CCDC57: variants seen among roughly 807,000 people sequenced by gnomAD.
CCDC57 encodes coiled-coil domain containing 57, also known as coiled-coil domain-containing protein 57.
In CCDC57, 118 loss-of-function variants were observed where a neutral mutation model predicts 118.9. That is an observed-to-expected ratio of 0.99 (90% CI 0.86 to 1.16). The LOEUF (loss-of-function observed/expected upper bound fraction) is 1.16. Ranked by LOEUF, CCDC57 falls within the 50% of genes most tolerant of loss-of-function variation. The pLI is 0.00. For missense variants in CCDC57, 1,300 were observed against 1,320.7 expected (o/e 0.98, Z 0.24); for synonymous variants, 527 against 532.9 (o/e 0.99, Z 0.15).
intron 10 of CCDC57, 135 bp from the exon 10 acceptor site, chr17:82,178,740 C>G: frequency 7.5e-7 from 1 of 1,334,790 alleles, no homozygotes; most frequent in Non-Finnish European, 1.0e-6. Flanking sequence ...CCGCCAAACC[C>G]TTCCTGCCCA....
Position 82,172,648 on chromosome 17 carries a change from G to A in CCDC57, c.1719C>T (p.Ala573=), listed in dbSNP as rs370782594. 6.0e-5 allele frequency: 93 copies of A among 1,550,426 alleles called. No homozygotes were observed. Among genetic ancestry groups the A allele is most frequent in the Non-Finnish European group, 7.3e-5 (84 of 1,147,224 alleles). ...CTCCCACTTACTCACCAGGAGTGGC[G>A]GCATCTCCCCCAGCCTCTGGGTCAG... Residue 573 remains alanine (A), a synonymous_variant, in exon 12 of 20, where the codon GCC becomes GCT. Transcript: ENST00000665763. This position sits in a 1 kb window ranked among gnomAD's most constrained non-coding sequence, Gnocchi z 5.2.
chr17:82,184,022 C>CGTGT, intron 8 of CCDC57, 90 bp from the exon 8 acceptor site: 1 of 408,320 alleles, frequency 2.4e-6, no homozygotes, highest in African/African-American at 2.8e-5. Context: ...CACATGCGCG[C>CGTGT]GCGCGCGCGC....
chr17:82,195,152 G>T, intron 5 of CCDC57, 111 bp downstream of exon 4: 2 of 796,662 alleles, frequency 2.5e-6, no homozygotes, highest in South Asian at 1.5e-5. Flanking sequence ...CTGGGCCCAA[G>T]GGATCCTCTT....
chr17:82,185,938 G>C (rs1306450843), intron 8 of CCDC57, among the ~76,000 whole-genome samples: 1 of 152,098 alleles, frequency 6.6e-6, no homozygotes, highest in Non-Finnish European at 1.5e-5. Context: ...TATTTTTTTA[G>C]AGACAGAGTC....
intron 19 of CCDC57, among the ~76,000 whole-genome samples, 165 bp from the exon 19 acceptor site, chr17:82,102,031 T>C (rs1053176490): frequency 1.3e-5 from 2 of 152,180 alleles, no homozygotes; most frequent in African/African-American, 4.8e-5. Flanking sequence ...GGCCAAAGGA[T>C]CCTGGAGTGA....
intron 19 of CCDC57, among the ~76,000 whole-genome samples, chr17:82,114,690 G>A (rs578227720): frequency 1.3e-5 from 2 of 152,110 alleles, no homozygotes; most frequent in African/African-American, 4.8e-5. Flanking sequence ...GTGGAGACAC[G>A]CTCACCCACA....
At chr17:82,179,591 A>G (rs6502086) in intron 9 of CCDC57, among the ~76,000 whole-genome samples, 109,341 of 151,782 alleles carry the variant, frequency 0.72, 39,910 homozygotes, top group East Asian at 0.95. Flanking sequence ...GAGAGCCCCC[A>G]GAGCAAGTGC....
intron 19 of CCDC57, among the ~76,000 whole-genome samples, chr17:82,105,506 C>CAGAA (rs2034784634): frequency 6.6e-6 from 1 of 152,142 alleles, no homozygotes; most frequent in Admixed American, 6.5e-5. Flanking sequence ...CTGCGTGCAC[C>CAGAA]TTTCCAGGGT....
At chr17:82,132,648 G>A (rs2038564660) in intron 17 of CCDC57, among the ~76,000 whole-genome samples, 1 of 151,970 alleles carries the variant, frequency 6.6e-6, no homozygotes, top group Non-Finnish European at 1.5e-5. Flanking sequence ...TTGAACTCCT[G>A]GGCTCAAGCA....
chr17:82,176,622 C>T (rs2045537480), intron 11 of CCDC57, among the ~76,000 whole-genome samples: 1 of 152,096 alleles, frequency 6.6e-6, no homozygotes, highest in African/African-American at 2.4e-5. Context: ...CAGCGTGGGC[C>T]CCCTGGACCC....
chr17:82,179,328 G>T, intron 9 of CCDC57, 139 bp from the exon 9 acceptor site: 1 of 913,236 alleles, frequency 1.1e-6, no homozygotes, highest in Non-Finnish European at 1.6e-6. Flanking sequence ...ACATGCTCCC[G>T]AGCTCCTGTG....
At chr17:82,202,638 T>C (rs1413281694) in intron 2 of CCDC57, among the ~76,000 whole-genome samples, 1 of 152,018 alleles carries the variant, frequency 6.6e-6, no homozygotes, top group East Asian at 1.9e-4. Flanking sequence ...TGATCTCAGC[T>C]ACTCGGGAGG....
intron 13 of CCDC57, among the ~76,000 whole-genome samples, chr17:82,167,711 C>G (rs2044172874): frequency 6.6e-6 from 1 of 151,716 alleles, no homozygotes; most frequent in Admixed American, 6.6e-5. Flanking sequence ...GAACTCCTGA[C>G]CTCAAGTGAT....
chr17:82,125,356 A>G (rs1210409636), intron 19 of CCDC57, among the ~76,000 whole-genome samples: 1 of 151,732 alleles, frequency 6.6e-6, no homozygotes, highest in African/African-American at 2.4e-5. Flanking sequence ...TGGGCAACAT[A>G]GGGAGACACC....
chr17:82,126,670 G>A (rs1325493550), intron 19 of CCDC57: 3 of 985,344 alleles, frequency 3.0e-6, no homozygotes, highest in Non-Finnish European at 2.4e-6. Flanking sequence ...GGGTGGCGGA[G>A]GCTGAGGCGA....
chr17:82,157,450 C>T (rs1370822543), intron 15 of CCDC57: 26 of 1,375,082 alleles, frequency 1.9e-5, no homozygotes, highest in Middle Eastern at 2.7e-4. Flanking sequence ...TCAGTGTGTG[C>T]GTTTCCAACA....
At chr17:82,167,439 C>T (rs956808491) in intron 13 of CCDC57, among the ~76,000 whole-genome samples, 1 of 152,088 alleles carries the variant, frequency 6.6e-6, no homozygotes. Context: ...CAACCTCCAC[C>T]TCCCGGGTTC....
At chr17:82,196,768 G>A (rs1252963904) in intron 4 of CCDC57, among the ~76,000 whole-genome samples, 5 of 151,784 alleles carry the variant, frequency 3.3e-5, no homozygotes, top group African/African-American at 9.7e-5. Context: ...CATCACACCT[G>A]CACCTTCACA....
intron 19 of CCDC57, among the ~76,000 whole-genome samples, chr17:82,110,033 T>G (rs1266826953): frequency 6.8e-6 from 1 of 146,062 alleles, no homozygotes; most frequent in Non-Finnish European, 1.5e-5. Context: ...CAGGCTGGAG[T>G]GCAATGGTGT....
Sources: allele counts gnomAD v4.1 joint callset (sites outside exome capture counted in the v4.1 genomes callset), GRCh38; gene constraint gnomAD v4.1.1; non-coding constraint Gnocchi (gnomAD v3.1); transcripts MANE v1.5; gene names NCBI Gene and HGNC (gene_info 2026-07-23, HGNC 2026-07-21).